The following ARID4A variants were observed in gnomAD, a reference collection of about 807,000 sequenced individuals.
ARID4A encodes AT-rich interaction domain 4A.
In ARID4A, 39 loss-of-function variants were observed where a neutral mutation model predicts 148.6. The observed-to-expected ratio is 0.26, with a 90% CI of 0.20 to 0.34. The LOEUF (loss-of-function observed/expected upper bound fraction) is 0.34, where lower values mean the gene tolerates loss of function less well. Among genes scored for constraint, ARID4A ranks in the 10% least tolerant of loss-of-function variants. The probability of loss-of-function intolerance (pLI) is 1.00; values close to 1 mark genes in which losing one functional copy is unlikely to be tolerated. For missense variants in ARID4A, 1,265 were observed against 1,449.1 expected (o/e 0.87, Z 2.06); for synonymous variants, 475 against 481.2 (o/e 0.99, Z 0.17).
intron 15 of ARID4A, among the ~76,000 whole-genome samples, chr14:58,350,381 A>G (rs1202165075): frequency 6.6e-6 from 1 of 152,138 alleles, no homozygotes; most frequent in East Asian, 1.9e-4. Context: ...CTGCCAGTGT[A>G]TAGAAGTTGA....
intron 5 of ARID4A, among the ~76,000 whole-genome samples, chr14:58,307,469 T>C (rs779239543): frequency 8.5e-5 from 13 of 152,256 alleles, no homozygotes. Flanking sequence ...GGTGCTATTA[T>C]TCTGAACTAC....
At chr14:58,304,840 T>C in intron 3 of ARID4A, 104 bp from the exon 4 acceptor site, 1 of 954,852 alleles carries the variant, frequency 1.0e-6, no homozygotes, top group Non-Finnish European at 1.6e-6. Flanking sequence ...GGTCACCACA[T>C]GGTGCTAAGA....
Position 58,373,741 on chromosome 14 carries a change from T to G in ARID4A, c.*1752T>G, listed in dbSNP as rs943918839. The G allele has an allele frequency of 5.9e-6, 1 of 168,446 alleles. No individual in the cohort carries two copies. The highest frequency in any genetic ancestry group is 1.3e-5 in the Non-Finnish European group (1 of 77,340). The allele number at this position is 168,446 out of a possible 1,614,324, so 10.4% of individuals were successfully genotyped here. A position where few individuals can be genotyped will look rare whatever the true frequency, so the allele number is the denominator to read the frequency against. The stretch of plus-strand genomic sequence containing the variant: ...GGCCATGTTTTAAACATAGGCTTTA[T>G]ACTTTTAGTTTTCATTTAAGTGATT... On this transcript the variant is annotated 3_prime_UTR_variant, in exon 24 of 24. Transcript: ENST00000355431.
chr14:58,360,023 G>A (rs1174939233), intron 18 of ARID4A, among the ~76,000 whole-genome samples: 1 of 149,690 alleles, frequency 6.7e-6, no homozygotes, highest in Non-Finnish European at 1.5e-5. Context: ...CCAAGATCGC[G>A]CCACTGCGCT....
chr14:58,344,606 T>A, intron 11 of ARID4A, 89 bp from the exon 12 acceptor site: 2 of 871,666 alleles, frequency 2.3e-6, no homozygotes, highest in Non-Finnish European at 3.5e-6. Context: ...TAAAATTTGA[T>A]GACTTTACAT....
chr14:58,303,545 C>G (rs1281466767), intron 3 of ARID4A: 1 of 470,964 alleles, frequency 2.1e-6, no homozygotes, highest in South Asian at 1.5e-5. Flanking sequence ...CAGAATTAAG[C>G]ACCATAAAAG....
chr14:58,342,673 G>A (rs2034170158), intron 11 of ARID4A, among the ~76,000 whole-genome samples: 2 of 152,198 alleles, frequency 1.3e-5, no homozygotes, highest in South Asian at 4.1e-4. Flanking sequence ...AACACTTTGG[G>A]AGGCCAAGGT....
rs569722196 is a variant in ARID4A at position 58,300,593 on chromosome 14, A to G, written c.6+733A>G. 6.6e-5 allele frequency among the ~76,000 whole-genome samples: 10 copies of G among 152,304 alleles called. No individual in the cohort carries two copies. The East Asian group carries it at 1.9e-3, about 29-fold the overall frequency. On this transcript the variant is annotated intron_variant, in intron 2 of 23. Coordinates refer to ENST00000355431, the MANE Select transcript of ARID4A (RefSeq NM_002892.4). ...TCTTATTTACTGTTTCAGCATATTA[A>G]GCTCTGAAATATAGCATTTTCCCAA... is the stretch of plus-strand genomic sequence containing the variant.
In ARID4A at chr14:58,365,149, A is replaced by G; in HGVS notation, c.3060A>G (p.Lys1020=). ...GTCAAGATGAGTCTCGAAGCGTAAA[A>G]AGTGAGAGTGATATAACGATTGAAG... ...TLSQDESRSV[K]SESDITIEVD... The change falls in exon 20 of 24, where the codon AAA becomes AAG. Residue 1020 remains lysine, a synonymous_variant. Transcript: ENST00000355431. 1 of 1,614,150 alleles carries G rather than the reference A, an allele frequency of 6.2e-7. No individual in the cohort carries two copies. Among genetic ancestry groups the G allele is most frequent in the Non-Finnish European group, 8.5e-7 (1 of 1,180,012 alleles).
chr14:58,339,432 G>A (rs1209282703), intron 11 of ARID4A, among the ~76,000 whole-genome samples: 2 of 152,046 alleles, frequency 1.3e-5, no homozygotes, highest in East Asian at 1.9e-4. Context: ...TTGTGGCTCC[G>A]ATATGTTATA....
In ARID4A at chr14:58,353,694, G is replaced by A. The variant is rs1417993653; in HGVS notation, c.1692G>A (p.Glu564=). 1.2e-6 allele frequency: 2 copies of A among 1,614,016 alleles called. No individual in the cohort carries two copies. Among genetic ancestry groups the A allele is most frequent in the South Asian group, 1.1e-5 (1 of 91,086 alleles). Residue 564 remains glutamate, a synonymous_variant, in exon 17 of 24, where the codon GAG becomes GAA. Transcript: ENST00000355431. ...ETESKCDSEG[E]EDEEDMEPCL... ...AAAGCAAATGTGACTCTGAAGGAGAGGAAGATGAGGAAGACATGGAACCCT... is the reference window on the plus strand; with the variant it reads ...AAAGCAAATGTGACTCTGAAGGAGAAGAAGATGAGGAAGACATGGAACCCT...
chr14:58,358,295 C>A (rs2034979593), intron 17 of ARID4A, among the ~76,000 whole-genome samples: 1 of 151,986 alleles, frequency 6.6e-6, no homozygotes, highest in Non-Finnish European at 1.5e-5. Flanking sequence ...ATGGCGAAAC[C>A]CCGTCTCTAC....
At position 58,351,188 on chromosome 14, in the gene ARID4A, A is replaced by T. The variant is rs369355742; in HGVS notation, c.1520A>T (p.Tyr507Phe). The change falls in exon 16 of 24, where the codon TAT becomes TTT. Residue 507 changes from tyrosine (Y) to phenylalanine (F), a missense_variant. Around this residue, in one of 9 missense-constraint regions of ARID4A, gnomAD observed 205 missense variants for 196.9 expected, o/e 1.04. Coordinates refer to ENST00000355431, the MANE Select transcript of ARID4A (RefSeq NM_002892.4). ...GAAAATAAGGATGTAGATGATGACT[A>T]TGAAACTGCAGAGAAAAAAGAAAAT... ...DTENKDVDDD[Y>F]ETAEKKENEL... 1.1e-5 allele frequency: 17 copies of T among 1,613,172 alleles called. No individual in the cohort carries two copies. In the African/African-American group the frequency reaches 1.3e-4, roughly 13 times the overall value.
At chr14:58,344,238 T>A (rs909705655) in intron 11 of ARID4A, among the ~76,000 whole-genome samples, 2 of 152,208 alleles carry the variant, frequency 1.3e-5, no homozygotes, top group Admixed American at 1.3e-4. Context: ...TTGCAATCCC[T>A]GGTTTATATT....
At position 58,371,898 on chromosome 14, in the gene ARID4A, G is replaced by T. The variant is rs1245123798; in HGVS notation, c.3683G>T (p.Gly1228Val). 3 of 1,612,882 alleles carry T rather than the reference G, an allele frequency of 1.9e-6. No homozygotes were observed. The highest frequency in any genetic ancestry group is 2.5e-6 in the Non-Finnish European group (3 of 1,179,170). The change falls in exon 24 of 24, where the codon GGA becomes GTA. Residue 1228 changes from glycine (G) to valine (V), a missense_variant. Transcript: ENST00000355431. ...TTTGATTCCACAGTGTCTCATGCGG[G>T]AGCCTCCATGTCATCTGCTTCATCA... ...KKKDREVSHA[G>V]ASMSSASSDT... is the part of the protein sequence containing the mutation.
Position 58,344,784 on chromosome 14 carries a change from T to A in ARID4A, c.979+17T>A, listed in dbSNP as rs1819394105. On this transcript the variant is annotated intron_variant, in intron 12 of 23. Coordinates refer to ENST00000355431, the MANE Select transcript of ARID4A (RefSeq NM_002892.4). ...AAGACAGAGGTATTTTCATGCTCAT[T>A]ATTTTAAAGTAGTCATTTCTTTTTC... 1 of 1,569,984 alleles carries A rather than the reference T, an allele frequency of 6.4e-7. No individual in the cohort carries two copies. Among genetic ancestry groups the A allele is most frequent in the Admixed American group, 1.7e-5 (1 of 58,614 alleles).
At chr14:58,301,490 A>G in intron 2 of ARID4A, 90 bp from the exon 3 acceptor site, 1 of 799,702 alleles carries the variant, frequency 1.3e-6, no homozygotes, top group South Asian at 2.1e-5. Context: ...TAATATTCTT[A>G]ATGCTTCAAA....
At chr14:58,319,130 G>T (rs946507242) in intron 7 of ARID4A, among the ~76,000 whole-genome samples, 1 of 152,200 alleles carries the variant, frequency 6.6e-6, no homozygotes, top group African/African-American at 2.4e-5. Flanking sequence ...TGCAATCTCG[G>T]CTCACTGCAA....
chr14:58,368,369 G>A (rs896220760), intron 23 of ARID4A, among the ~76,000 whole-genome samples: 6 of 152,080 alleles, frequency 3.9e-5, no homozygotes, highest in African/African-American at 1.4e-4. Context: ...GGATGTTCCT[G>A]AAACAAAAAT....
Sources: allele counts gnomAD v4.1 joint callset (sites outside exome capture counted in the v4.1 genomes callset), GRCh38; gene constraint gnomAD v4.1.1; regional missense constraint gnomAD v4.1.1; transcripts MANE v1.5; gene names NCBI Gene and HGNC (gene_info 2026-07-23, HGNC 2026-07-21).